The following TRUB1 variants were observed in gnomAD, a reference collection of about 807,000 sequenced individuals.
TRUB1 encodes pseudouridylate synthase TRUB1.
Under a neutral mutation model 33.9 loss-of-function variants are expected in TRUB1, and 23 were observed. The observed-to-expected ratio is 0.68, with a 90% confidence interval of 0.49 to 0.96. The LOEUF is 0.96. Ranked by LOEUF, TRUB1 falls within the 40% of genes least tolerant of loss-of-function variation. The pLI, the probability that TRUB1 is intolerant of heterozygous loss-of-function variation, is 0.00. For synonymous variants in TRUB1, 163 were observed against 165.4 expected (o/e 0.99, Z 0.11); for missense variants, 378 against 422.2 (o/e 0.90, Z 0.92).
chr10:114,966,224 C>A (rs149570170), intron 4 of TRUB1, among the ~76,000 whole-genome samples: 1 of 151,986 alleles, frequency 6.6e-6, no homozygotes, highest in Admixed American at 6.6e-5. Context: ...ATATGTACAT[C>A]GTTTTGTAAC....
intron 1 of TRUB1, 41 bp downstream of exon 1, chr10:114,938,580 G>T: frequency 6.7e-7 from 1 of 1,495,290 alleles, no homozygotes; most frequent in Middle Eastern, 1.9e-4. Flanking sequence ...GGCGGTCGCT[G>T]CGAGAGGGGA....
chr10:114,949,220 A>G (rs2084223664), intron 2 of TRUB1, among the ~76,000 whole-genome samples: 2 of 152,152 alleles, frequency 1.3e-5, no homozygotes, highest in Non-Finnish European at 2.9e-5. Context: ...TTGTTTTTCC[A>G]TTGGAAGTAT....
At position 114,975,723 on chromosome 10, in the gene TRUB1, T is replaced by C. The variant is rs897636807; in HGVS notation, c.*344T>C. 3 of 160,996 alleles carry C rather than the reference T, an allele frequency of 1.9e-5. No homozygotes were observed. The highest frequency in any genetic ancestry group is 6.4e-5 in the Admixed American group (1 of 15,628). 10.0% of individuals were successfully genotyped at this position (160,996 alleles called of 1,614,324 possible). A position where few individuals can be genotyped will look rare whatever the true frequency, so the allele number is the denominator to read the frequency against. ...AATTTCCTAATCAAAGAAAAAAGTA[T>C]GAGCTCCATGTTTCTTTAGTTTCAC... On this transcript the variant is annotated 3_prime_UTR_variant, in exon 8 of 8. Coordinates refer to ENST00000298746, the MANE Select transcript of TRUB1 (RefSeq NM_139169.5).
Position 114,959,858 on chromosome 10 carries a change from T to C in TRUB1, c.523+51T>C, listed in dbSNP as rs1435838503. ...TCTTTTCTAACATTTAGGAAAAGTTTCTGTGCAGGTAGCATTTTAAAACAA... is the reference window on the plus strand; with the variant it reads ...TCTTTTCTAACATTTAGGAAAAGTTCCTGTGCAGGTAGCATTTTAAAACAA... On this transcript the variant is annotated intron_variant, in intron 4 of 7. Coordinates refer to ENST00000298746, the MANE Select transcript of TRUB1 (RefSeq NM_139169.5). 3 of 1,108,446 alleles carry C rather than the reference T, an allele frequency of 2.7e-6. No homozygotes were observed. The African/African-American group carries it at 4.8e-5, about 18-fold the overall frequency. 68.7% of individuals were successfully genotyped at this position (1,108,446 alleles called of 1,614,324 possible). A position where few individuals can be genotyped will look rare whatever the true frequency, so the allele number is the denominator to read the frequency against.
At chr10:114,964,146 A>G (rs2084296493) in intron 4 of TRUB1, among the ~76,000 whole-genome samples, 1 of 152,164 alleles carries the variant, frequency 6.6e-6, no homozygotes, top group Admixed American at 6.5e-5. Context: ...TGCCCCACAT[A>G]CTTAGCTATT....
At chr10:114,940,894 C>G (rs78827336) in intron 1 of TRUB1, among the ~76,000 whole-genome samples, 1,529 of 152,272 alleles carry the variant, frequency 0.01, 24 homozygotes, top group African/African-American at 0.036. Flanking sequence ...AGCAGACAAC[C>G]ATACCCTTCT....
At position 114,959,883 on chromosome 10, in the gene TRUB1, A is replaced by G. The variant is rs1016900490; in HGVS notation, c.523+76A>G. 3.7e-6 allele frequency: 3 copies of G among 821,592 alleles called. No homozygotes were observed. The Admixed American group carries it at 7.5e-5, about 21-fold the overall frequency. 50.9% of individuals were successfully genotyped at this position (821,592 alleles called of 1,614,324 possible). A position where few individuals can be genotyped will look rare whatever the true frequency, so the allele number is the denominator to read the frequency against. On this transcript the variant is annotated intron_variant, in intron 4 of 7. Coordinates refer to ENST00000298746, the MANE Select transcript of TRUB1 (RefSeq NM_139169.5). Reference sequence around the variant, plus strand: ...TCTGTGCAGGTAGCATTTTAAAACAAATCTCTGATATTATCAGCCATTTTA... The same window carrying G: ...TCTGTGCAGGTAGCATTTTAAAACAGATCTCTGATATTATCAGCCATTTTA...
intron 4 of TRUB1, among the ~76,000 whole-genome samples, chr10:114,969,047 T>C (rs1466683344): frequency 6.6e-6 from 1 of 152,122 alleles, no homozygotes; most frequent in Non-Finnish European, 1.5e-5. Flanking sequence ...TGAAGACATC[T>C]TTGAGTATGA....
chr10:114,959,656 A>T lies in TRUB1; in HGVS notation c.442-70A>T, dbSNP rs937837735. ...GTAGTAGTAGTGAAATTCTGTGTAA[A>T]CTTCAAGACATGCATAACAGTTTTT... is the stretch of plus-strand genomic sequence containing the variant. On this transcript the variant is annotated intron_variant, in intron 3 of 7. Transcript: ENST00000298746. The T allele has an allele frequency of 1.9e-4, 186 of 964,800 alleles. 2 individuals carry two copies. Among genetic ancestry groups the T allele is most frequent in the Non-Finnish European group, 1.8e-5 (11 of 596,276 alleles). The allele number at this position is 964,800 out of a possible 1,614,324, so 59.8% of individuals were successfully genotyped here.
chr10:114,968,920 T>G (rs897608407), intron 4 of TRUB1, among the ~76,000 whole-genome samples: 2 of 152,148 alleles, frequency 1.3e-5, no homozygotes, highest in Non-Finnish European at 2.9e-5. Flanking sequence ...AATAAAAAGT[T>G]TAGATAAATT....
Position 114,975,289 on chromosome 10 carries a change from A to G in TRUB1, c.960A>G (p.Ser320=), listed in dbSNP as rs1440974496. ...CAGCAGAGTTGGCACTTAAAAAATCAAAACCTGAGTCTAATGAACAGGTTT... is the reference window on the plus strand; with the variant it reads ...CAGCAGAGTTGGCACTTAAAAAATCGAAACCTGAGTCTAATGAACAGGTTT... The part of the protein sequence containing the change: ...LFPAELALKK[S]KPESNEQVLS... Residue 320 remains serine (S), a synonymous_variant, in exon 8 of 8, where the codon TCA becomes TCG. Coordinates refer to ENST00000298746, the MANE Select transcript of TRUB1 (RefSeq NM_139169.5). 1 of 1,613,594 alleles carries G rather than the reference A, an allele frequency of 6.2e-7. No individual in the cohort carries two copies. Among genetic ancestry groups the G allele is most frequent in the Non-Finnish European group, 8.5e-7 (1 of 1,179,678 alleles).
At position 114,938,341 on chromosome 10, in the gene TRUB1, G is replaced by A. The variant is rs527693348; in HGVS notation, c.88G>A (p.Ala30Thr). 6 of 1,608,646 alleles carry A rather than the reference G, an allele frequency of 3.7e-6. No individual in the cohort carries two copies. Among genetic ancestry groups the A allele is most frequent in the Non-Finnish European group, 5.1e-6 (6 of 1,177,854 alleles). The stretch of plus-strand genomic sequence containing the variant: ...CCTTGAAACTGCAGGAACGGTCGCA[G>A]CAATGGCTGCGACCCCGTCAGCAAG... The part of the protein sequence containing the change: ...PVLETAGTVA[A>T]MAATPSARAA... Residue 30 changes from alanine to threonine, a missense_variant, in exon 1 of 8, where the codon GCA becomes ACA. Physicochemically the swap from Ala to Thr is moderately conservative, Grantham distance 58. Transcript: ENST00000298746.
At chr10:114,961,271 C>A (rs1015842354) in intron 4 of TRUB1, among the ~76,000 whole-genome samples, 4 of 151,874 alleles carry the variant, frequency 2.6e-5, no homozygotes, top group Non-Finnish European at 4.4e-5. Context: ...ACCAGGGTGC[C>A]AGTGGTAGAG....
intron 2 of TRUB1, 104 bp from the exon 3 acceptor site, chr10:114,950,990 C>T: frequency 1.1e-6 from 1 of 941,268 alleles, no homozygotes. Flanking sequence ...TTCTTTCCCA[C>T]TTCACATTAC....
At chr10:114,974,995 A>G (rs1592055617) in intron 7 of TRUB1, 128 bp from the exon 8 acceptor site, 3 of 1,082,220 alleles carry the variant, frequency 2.8e-6, no homozygotes, top group East Asian at 5.1e-5. Flanking sequence ...TGGTTCTTAT[A>G]TTGGATTATT....
At chr10:114,947,222 C>T (rs1412919573) in intron 2 of TRUB1, among the ~76,000 whole-genome samples, 1 of 151,924 alleles carries the variant, frequency 6.6e-6, no homozygotes, top group East Asian at 1.9e-4. Context: ...GTGAAGGATT[C>T]TCCCCTAGCA....
intron 3 of TRUB1, among the ~76,000 whole-genome samples, chr10:114,959,351 A>G (rs1342323511): frequency 2.0e-5 from 3 of 152,216 alleles, no homozygotes; most frequent in Non-Finnish European, 2.9e-5. Context: ...TATGATGACC[A>G]TGGAGTCAAG....
chr10:114,950,702 T>C (rs1020595079), intron 2 of TRUB1, among the ~76,000 whole-genome samples: 2 of 152,264 alleles, frequency 1.3e-5, no homozygotes, highest in African/African-American at 4.8e-5. Flanking sequence ...TTGCTTTGTT[T>C]AATAATGAAT....
intron 3 of TRUB1, among the ~76,000 whole-genome samples, chr10:114,953,392 C>G (rs10885636): frequency 6.6e-6 from 1 of 151,928 alleles, no homozygotes; most frequent in African/African-American, 2.4e-5. Flanking sequence ...TTTTATGTAC[C>G]TGTTAAAAGA....
Sources: gnomAD v4.1 joint callset for allele counts (sites outside exome capture counted in the v4.1 genomes callset) on GRCh38, gnomAD v4.1.1 for gene constraint, MANE v1.5 for transcripts, NCBI Gene and HGNC (gene_info 2026-07-23, HGNC 2026-07-21) for gene names.